Variants in SAXO1 observed in about 807,000 individuals in gnomAD.
SAXO1 encodes the protein stabilizer of axonemal microtubules 1.
SAXO1 carries 21 observed loss-of-function variants against 17.5 expected under a neutral mutation model. The observed-to-expected ratio is 1.20, with a 90% CI of 0.85 to 1.72. SAXO1 has a LOEUF of 1.72. Among genes scored for constraint, SAXO1 ranks in the 40% most tolerant of loss-of-function variants. The pLI is 0.00. For synonymous variants in SAXO1, 274 were observed against 216.5 expected, an observed-to-expected ratio of 1.27 and a Z score of -2.33; for missense variants, 843 against 596.0, an observed-to-expected ratio of 1.41 and a Z score of -4.32.
intron 1 of SAXO1, among the ~76,000 whole-genome samples, chr9:18,997,283 G>A (rs1215758964): frequency 1.3e-5 from 2 of 152,254 alleles, no homozygotes; most frequent in African/African-American, 4.8e-5. Flanking sequence ...CAGCAGACCA[G>A]GACATTCCCT....
intron 1 of SAXO1, among the ~76,000 whole-genome samples, chr9:19,004,261 T>C (rs1834401038): frequency 6.6e-6 from 1 of 152,184 alleles, no homozygotes; most frequent in South Asian, 2.1e-4. Context: ...TGTGGAGAAA[T>C]AGGAATGCTT....
chr9:18,942,261 T>A (rs1448308493), intron 2 of SAXO1, among the ~76,000 whole-genome samples: 2 of 152,206 alleles, frequency 1.3e-5, no homozygotes, highest in Non-Finnish European at 2.9e-5. Flanking sequence ...CTTTCCCCAG[T>A]TTAAAACTCT....
At chr9:19,014,865 G>C (rs1222632477) in intron 1 of SAXO1, among the ~76,000 whole-genome samples, 1 of 152,118 alleles carries the variant, frequency 6.6e-6, no homozygotes, top group Admixed American at 6.5e-5. Flanking sequence ...CTTCCTGCCG[G>C]GGTTAGGAAG....
intron 1 of SAXO1, among the ~76,000 whole-genome samples, chr9:18,999,645 C>T (rs4380900): frequency 2.6e-5 from 3 of 115,858 alleles, no homozygotes; most frequent in African/African-American, 6.1e-5. Context: ...CCCCTCTGCC[C>T]GGCCGCCACA....
At chr9:18,943,657 G>A (rs1020179761) in intron 2 of SAXO1, among the ~76,000 whole-genome samples, 1 of 152,198 alleles carries the variant, frequency 6.6e-6, no homozygotes, top group African/African-American at 2.4e-5. Flanking sequence ...AGGTTTCAAG[G>A]CAGCCTGAGA....
At chr9:19,016,791 C>T (rs1834992760) in intron 1 of SAXO1, among the ~76,000 whole-genome samples, 1 of 146,472 alleles carries the variant, frequency 6.8e-6, no homozygotes, top group East Asian at 2.0e-4. Context: ...AACTATCTAA[C>T]ATCTGACTTT....
At chr9:19,004,507 A>G (rs887752279) in intron 1 of SAXO1, among the ~76,000 whole-genome samples, 4 of 152,244 alleles carry the variant, frequency 2.6e-5, no homozygotes, top group African/African-American at 7.2e-5. Context: ...AAAATGTGAC[A>G]CATATACACC....
At chr9:18,967,112 C>T (rs372075009) in intron 1 of SAXO1, among the ~76,000 whole-genome samples, 20 of 152,304 alleles carry the variant, frequency 1.3e-4, no homozygotes, top group African/African-American at 2.6e-4. Flanking sequence ...GCTCCTTCCT[C>T]GGGAAGCTTC....
intron 1 of SAXO1, among the ~76,000 whole-genome samples, chr9:19,010,786 G>A (rs1217264645): frequency 5.9e-5 from 9 of 152,196 alleles, no homozygotes; most frequent in African/African-American, 1.9e-4. Context: ...GTGATTACCA[G>A]GGGCAGTGAG....
intron 1 of SAXO1, among the ~76,000 whole-genome samples, chr9:19,041,097 T>C (rs1836067688): frequency 6.7e-6 from 1 of 148,584 alleles, no homozygotes. Context: ...ACAGTAACAT[T>C]GCAGGATACA....
chr9:18,987,833 G>C (rs552797370), intron 1 of SAXO1, among the ~76,000 whole-genome samples: 1 of 151,664 alleles, frequency 6.6e-6, no homozygotes, highest in South Asian at 2.1e-4. Context: ...GGAGGTTAAG[G>C]CTGCAGTGAG....
chr9:18,996,011 G>A (rs1588499517), intron 1 of SAXO1, among the ~76,000 whole-genome samples: 2 of 151,482 alleles, frequency 1.3e-5, no homozygotes, highest in Non-Finnish European at 1.5e-5. Context: ...TCCAGGAGGT[G>A]GAGGTTGCAG....
intron 1 of SAXO1, among the ~76,000 whole-genome samples, chr9:19,048,364 G>A (rs1836269615): frequency 6.6e-6 from 1 of 152,144 alleles, no homozygotes; most frequent in African/African-American, 2.4e-5. Context: ...GACTGAGGCA[G>A]GAGAATCGCT....
At chr9:18,934,024 G>C (rs1383537244) in intron 3 of SAXO1, among the ~76,000 whole-genome samples, 2 of 152,076 alleles carry the variant, frequency 1.3e-5, no homozygotes, top group East Asian at 3.9e-4. Context: ...TCCAGCCTGA[G>C]TGACAGAGCG....
intron 1 of SAXO1, among the ~76,000 whole-genome samples, chr9:19,012,479 G>A (rs1317577006): frequency 1.3e-5 from 2 of 152,230 alleles, no homozygotes; most frequent in Non-Finnish European, 2.9e-5. Context: ...CAACTTTGTG[G>A]TGTTGGTATA....
intron 1 of SAXO1, among the ~76,000 whole-genome samples, chr9:19,004,510 T>C (rs1439568312): frequency 6.6e-6 from 1 of 152,178 alleles, no homozygotes; most frequent in Non-Finnish European, 1.5e-5. Context: ...ATGTGACACA[T>C]ATACACCATG....
rs1830830748 is a variant in SAXO1 at position 18,927,887 on chromosome 9, C to A, written c.*165G>T. On this transcript the variant is annotated 3_prime_UTR_variant, in exon 4 of 4. Transcript: ENST00000380534. ...TAGCCGGTGATTAAATGTCATTTTC[C>A]CTGAGTCAAGTGATTCTCATTTTAT... 1.4e-6 allele frequency: 1 copy of A among 703,658 alleles called. No homozygotes were observed. Among genetic ancestry groups the A allele is most frequent in the South Asian group, 2.8e-5 (1 of 35,824 alleles). The allele number at this position is 703,658 out of a possible 1,614,324, so 43.6% of individuals were successfully genotyped here. A position where few individuals can be genotyped will look rare whatever the true frequency, so the allele number is the denominator to read the frequency against.
intron 2 of SAXO1, among the ~76,000 whole-genome samples, chr9:18,946,818 C>A (rs7041732): frequency 0.8 from 122,121 of 152,130 alleles, 49,539 homozygotes; most frequent in African/African-American, 0.93. Context: ...CTATATAAAA[C>A]AAGAATCAAA....
At chr9:18,984,700 G>T (rs1416118828) in intron 1 of SAXO1, among the ~76,000 whole-genome samples, 1 of 152,192 alleles carries the variant, frequency 6.6e-6, no homozygotes, top group Non-Finnish European at 1.5e-5. Context: ...AGGGAATGTT[G>T]TGGCTGCTAA....
Sources: gnomAD v4.1 joint callset for allele counts (sites outside exome capture counted in the v4.1 genomes callset) on GRCh38, gnomAD v4.1.1 for gene constraint, MANE v1.5 for transcripts, NCBI Gene and HGNC (gene_info 2026-07-23, HGNC 2026-07-21) for gene names.